TRIP11: variants seen among roughly 807,000 people sequenced by gnomAD.
TRIP11 encodes the protein thyroid receptor-interacting protein 11.
TRIP11 carries 148 observed loss-of-function variants against 223.1 expected under a neutral mutation model. The observed-to-expected ratio is 0.66, with a 90% CI of 0.58 to 0.76. The LOEUF is 0.76. Among genes scored for constraint, TRIP11 ranks in the 30% least tolerant of loss-of-function variants. The probability of loss-of-function intolerance (pLI) is 0.00; values close to 1 mark genes in which losing one functional copy is unlikely to be tolerated. For synonymous variants in TRIP11, 762 were observed against 772.6 expected (o/e 0.99, Z 0.23); for missense variants, 2,043 against 2,222.0 (o/e 0.92, Z 1.62).
chr14:92,032,314 A>G (rs1326038419), intron 2 of TRIP11, among the ~76,000 whole-genome samples: 1 of 151,554 alleles, frequency 6.6e-6, no homozygotes, highest in Non-Finnish European at 1.5e-5. Context: ...CATCCAGCTA[A>G]TTTTTTTGTA....
intron 20 of TRIP11, among the ~76,000 whole-genome samples, chr14:91,972,001 G>C (rs2056405823): frequency 6.6e-6 from 1 of 152,072 alleles, no homozygotes; most frequent in South Asian, 2.1e-4. Context: ...GAAGATTTCA[G>C]AAGAGCTCTT....
At chr14:91,999,502 C>A in intron 12 of TRIP11, 69 bp from the exon 13 acceptor site, 1 of 1,496,566 alleles carries the variant, frequency 6.7e-7, no homozygotes, top group Non-Finnish European at 9.2e-7. Context: ...ATTTTGTTAT[C>A]AAATCTTTTT....
rs1324343229 is a variant in TRIP11, at chr14:91,968,998, G to GAA, written c.*674_*675insTT. On this transcript the variant is annotated 3_prime_UTR_variant, in exon 21 of 21. Coordinates refer to ENST00000267622, the MANE Select transcript of TRIP11 (RefSeq NM_004239.4). The stretch of plus-strand genomic sequence containing the variant: ...CGCAGTGGCTCATGCCTTAATCCCA[G>GAA]CACTTTGGGAGGCTGAGGTGGGAGG... 1 of 223,246 alleles carries GAA rather than the reference G, an allele frequency of 4.5e-6. No individual in the cohort carries two copies. The highest frequency in any genetic ancestry group is 6.5e-5 in the East Asian group (1 of 15,370). The allele number at this position is 223,246 out of a possible 1,614,324, so 13.8% of individuals were successfully genotyped here.
chr14:92,016,063 T>C (rs2057031856), intron 5 of TRIP11, among the ~76,000 whole-genome samples: 1 of 152,164 alleles, frequency 6.6e-6, no homozygotes, highest in Non-Finnish European at 1.5e-5. Flanking sequence ...CAAAAACAGT[T>C]TTTCTACTTC....
intron 16 of TRIP11, among the ~76,000 whole-genome samples, chr14:91,983,902 A>G (rs2056573537): frequency 6.6e-6 from 1 of 152,222 alleles, no homozygotes; most frequent in African/African-American, 2.4e-5. Context: ...CCAGCACCGT[A>G]AAGGTAGTTC....
At position 92,004,826 on chromosome 14, in the gene TRIP11, G is replaced by C. The variant is rs747225768; in HGVS notation, c.3150C>G (p.Ser1050=). ...ISLTKQIDQL[S]KDEVGKLTQI... is the part of the protein sequence containing the mutation. ...GAGTTAGTTTACCAACTTCATCTTT[G>C]GACAACTGATCAATCTGTTTAGTTA... Residue 1050 remains serine, a synonymous_variant, in exon 11 of 21, where the codon TCC becomes TCG. Transcript: ENST00000267622. 6.2e-7 allele frequency: 1 copy of C among 1,613,866 alleles called. No homozygotes were observed. The highest frequency in any genetic ancestry group is 2.2e-5 in the East Asian group (1 of 44,848).
intron 13 of TRIP11, among the ~76,000 whole-genome samples, chr14:91,998,198 T>C (rs559893531): frequency 5.9e-5 from 9 of 152,306 alleles, no homozygotes; most frequent in Admixed American, 2.0e-4. Flanking sequence ...AAGATGCATA[T>C]ACAACTAATA....
intron 19 of TRIP11, 25 bp from the exon 20 acceptor site, chr14:91,972,886 T>C (rs1267253347): frequency 1.9e-5 from 30 of 1,576,108 alleles, no homozygotes; most frequent in Non-Finnish European, 2.4e-5. Flanking sequence ...TTTGGTTATA[T>C]TAGGCTAGAT....
intron 15 of TRIP11, among the ~76,000 whole-genome samples, chr14:91,990,112 G>T (rs1394437986): frequency 1.3e-5 from 2 of 152,062 alleles, no homozygotes; most frequent in Non-Finnish European, 2.9e-5. Flanking sequence ...ATATAAATTT[G>T]ACACATATAC....
chr14:92,024,373 A>G (rs1186857235), intron 3 of TRIP11, among the ~76,000 whole-genome samples: 1 of 151,358 alleles, frequency 6.6e-6, no homozygotes, highest in African/African-American at 2.4e-5. Flanking sequence ...TCTGTCTCAA[A>G]AAAAAAAAAA....
chr14:91,987,465 C>T lies in TRIP11; in HGVS notation c.5260+819G>A, dbSNP rs549602916. Among the ~76,000 whole-genome samples, 204 of 152,240 alleles carry T rather than the reference C, an allele frequency of 1.3e-3. No homozygotes were observed. In the Middle Eastern group the frequency reaches 0.024, roughly 18 times the overall value. On this transcript the variant is annotated intron_variant, in intron 16 of 20. Coordinates refer to ENST00000267622, the MANE Select transcript of TRIP11 (RefSeq NM_004239.4). ...GTTGACAGCTCCTCTGCTGTACCATCTCCTTCTATTTTTGCTTATTTCTAA... is the reference window on the plus strand; with the variant it reads ...GTTGACAGCTCCTCTGCTGTACCATTTCCTTCTATTTTTGCTTATTTCTAA...
At chr14:92,023,879 G>C (rs1332225402) in intron 3 of TRIP11, among the ~76,000 whole-genome samples, 2 of 147,968 alleles carry the variant, frequency 1.4e-5, no homozygotes, top group African/African-American at 5.0e-5. Flanking sequence ...TTTTTGAGAC[G>C]GAGTCTCGTT....
intron 16 of TRIP11, among the ~76,000 whole-genome samples, chr14:91,980,470 GC>G (rs2056523985): frequency 6.6e-6 from 1 of 152,182 alleles, no homozygotes; most frequent in African/African-American, 2.4e-5. Flanking sequence ...AGACTTTGTT[GC>G]CTATTTTGTA....
rs190432141 is a variant in TRIP11 at position 91,998,128 on chromosome 14, T to C, written c.4892+1112A>G. Among the ~76,000 whole-genome samples, 12 of 152,314 alleles carry C rather than the reference T, an allele frequency of 7.9e-5. No homozygotes were observed. The East Asian group carries it at 2.3e-3, about 29-fold the overall frequency. On this transcript the variant is annotated intron_variant, in intron 13 of 20. Transcript: ENST00000267622. ...AGCCTATAATTTATTTGCAGACAGA[T>C]AGAAATGATTATCTCATTTTATCTC...
At chr14:92,017,551 G>T in intron 5 of TRIP11, 131 bp downstream of exon 5, 1 of 736,640 alleles carries the variant, frequency 1.4e-6, no homozygotes, top group Non-Finnish European at 2.2e-6. Context: ...ATCTCTAAAA[G>T]AAAAAGAAGT....
intron 15 of TRIP11, among the ~76,000 whole-genome samples, chr14:91,993,156 G>T (rs2056701054): frequency 6.6e-6 from 1 of 151,600 alleles, no homozygotes; most frequent in Admixed American, 6.6e-5. Flanking sequence ...TGCTCACAGA[G>T]GTACAAATTT....
chr14:92,005,451 T>C lies in TRIP11; in HGVS notation c.2525A>G (p.Glu842Gly), dbSNP rs1401215413. The change falls in exon 11 of 21, where the codon GAA becomes GGA. Residue 842 changes from glutamate to glycine, a missense_variant. By Grantham distance (98) the Glu-to-Gly change is moderately conservative (BLOSUM62 -2). Transcript: ENST00000267622. ...TTCCTCTATGGTCTGTCTTAAAATT[T>C]CATTTTTTCTTAAGGCCTGAGAATA... ...DKYSQALRKNEILRQTIEEKD... is the reference protein window; with the variant it reads ...DKYSQALRKNGILRQTIEEKD... 3.7e-6 allele frequency: 6 copies of C among 1,614,014 alleles called. No individual in the cohort carries two copies. The highest frequency in any genetic ancestry group is 2.2e-5 in the East Asian group (1 of 44,896).
chr14:92,007,086 C>T (rs2056914665), intron 10 of TRIP11, among the ~76,000 whole-genome samples: 1 of 151,060 alleles, frequency 6.6e-6, no homozygotes, highest in African/African-American at 2.4e-5. Context: ...AGTGCAGTGG[C>T]ATGATCTCGG....
intron 16 of TRIP11, among the ~76,000 whole-genome samples, chr14:91,985,024 C>T (rs537202720): frequency 3.3e-5 from 5 of 152,216 alleles, no homozygotes; most frequent in South Asian, 2.1e-4. Flanking sequence ...GTTACTTTCC[C>T]GGGAAGAGGG....
Sources: allele counts gnomAD v4.1 joint callset (sites outside exome capture counted in the v4.1 genomes callset), GRCh38; gene constraint gnomAD v4.1.1; transcripts MANE v1.5; gene names NCBI Gene and HGNC (gene_info 2026-07-23, HGNC 2026-07-21).